TTLL5: variants seen among roughly 807,000 people sequenced by gnomAD.
TTLL5 encodes tubulin polyglutamylase TTLL5.
TTLL5 carries 132 observed loss-of-function variants against 168.4 expected under a neutral mutation model. That is an observed-to-expected ratio of 0.78 (90% CI 0.68 to 0.91). The LOEUF is 0.91. Ranked by LOEUF, TTLL5 falls within the 40% of genes least tolerant of loss-of-function variation. The pLI is 0.00. For synonymous variants in TTLL5, 546 were observed against 558.6 expected (o/e 0.98, Z 0.32); for missense variants, 1,545 against 1,581.5 (o/e 0.98, Z 0.39).
chr14:75,829,055 C>A lies in TTLL5; in HGVS notation c.3326+8894C>A, dbSNP rs148668428. ...ATTTACTAATGCAAGTACTATAAAG[C>A]AATATGTGCTTAATTATTGAATAGG... On this transcript the variant is annotated intron_variant, in intron 28 of 31. Transcript: ENST00000298832. Among the ~76,000 whole-genome samples, 1,311 of 152,252 alleles carry A rather than the reference C, an allele frequency of 8.6e-3. 26 individuals are homozygous for A. The highest frequency in any genetic ancestry group is 0.03 in the African/African-American group (1,257 of 41,548).
chr14:75,736,056 G>A (rs887052692), intron 15 of TTLL5, among the ~76,000 whole-genome samples: 17 of 151,914 alleles, frequency 1.1e-4, no homozygotes, highest in African/African-American at 4.1e-4. Context: ...TAAATCCATC[G>A]TCACCTTTAC....
At chr14:75,872,702 G>A (rs1389000008) in intron 29 of TTLL5, among the ~76,000 whole-genome samples, 1 of 152,006 alleles carries the variant, frequency 6.6e-6, no homozygotes, top group Non-Finnish European at 1.5e-5. Context: ...CTGAGATTGG[G>A]AGTTCGAGAC....
chr14:75,909,790 C>T (rs1428301702), intron 31 of TTLL5, among the ~76,000 whole-genome samples: 1 of 152,240 alleles, frequency 6.6e-6, no homozygotes, highest in Admixed American at 6.5e-5. Flanking sequence ...ATGTGTTTTG[C>T]TGGCATTGAC....
At chr14:75,713,064 G>C (rs117181578) in intron 9 of TTLL5, among the ~76,000 whole-genome samples, 1 of 152,110 alleles carries the variant, frequency 6.6e-6, no homozygotes, top group Non-Finnish European at 1.5e-5. Flanking sequence ...CCTAAATCTT[G>C]ATCTCATTAA....
At chr14:75,814,782 C>G (rs548065926) in intron 27 of TTLL5, 3 of 152,280 alleles carry the variant, frequency 2.0e-5, no homozygotes, top group Admixed American at 2.0e-4. Context: ...GATTGAGAGT[C>G]TAGAGCTGTG....
At chr14:75,950,081 G>C (rs966567303) in intron 31 of TTLL5, among the ~76,000 whole-genome samples, 1 of 152,148 alleles carries the variant, frequency 6.6e-6, no homozygotes, top group African/African-American at 2.4e-5. Context: ...ATGCTTAAGA[G>C]AATGTGATAT....
chr14:75,889,532 A>G (rs2032284360), intron 30 of TTLL5, among the ~76,000 whole-genome samples: 1 of 152,166 alleles, frequency 6.6e-6, no homozygotes. Flanking sequence ...AAAATGAGAT[A>G]TTAAATATAA....
intron 12 of TTLL5, among the ~76,000 whole-genome samples, chr14:75,721,867 T>C (rs577177657): frequency 2.6e-5 from 4 of 152,308 alleles, no homozygotes; most frequent in South Asian, 4.1e-4. Context: ...AAGGGAATTG[T>C]TGAGATTGAA....
rs373174658 is a variant in TTLL5, at chr14:75,782,457, A to G, written c.2516-30A>G. On this transcript the variant is annotated intron_variant, in intron 24 of 31. Transcript: ENST00000298832. ...CAGCGGACTTGCAATTGATTATAAG[A>G]GAGTCCAAGCTCATTATTTCTTATT... 2.3e-4 allele frequency: 366 copies of G among 1,563,226 alleles called. 2 individuals are homozygous for G. The highest frequency in any genetic ancestry group is 1.9e-3 in the East Asian group (86 of 44,570).
At chr14:75,767,836 T>C (rs1891056143) in intron 20 of TTLL5, among the ~76,000 whole-genome samples, 1 of 152,178 alleles carries the variant, frequency 6.6e-6, no homozygotes. Context: ...AAGGCCTTGA[T>C]CAGAGTAATG....
chr14:75,893,697 A>G (rs2140061206), intron 30 of TTLL5, among the ~76,000 whole-genome samples: 1 of 152,104 alleles, frequency 6.6e-6, no homozygotes, highest in Admixed American at 6.5e-5. Flanking sequence ...GCACGCCTGT[A>G]ATCCCAGCCA....
chr14:75,806,835 T>C (rs1893687627), intron 27 of TTLL5, among the ~76,000 whole-genome samples: 1 of 152,168 alleles, frequency 6.6e-6, no homozygotes, highest in African/African-American at 2.4e-5. Context: ...TTCACCAGTT[T>C]TTTCCCAGCC....
At chr14:75,771,975 A>T in intron 21 of TTLL5, 121 bp downstream of exon 21, 1 of 1,153,314 alleles carries the variant, frequency 8.7e-7, no homozygotes. Context: ...ATTATTATGT[A>T]AGAAGGTTTT....
intron 2 of TTLL5, among the ~76,000 whole-genome samples, chr14:75,667,912 C>T (rs1283160058): frequency 6.6e-6 from 1 of 151,918 alleles, no homozygotes; most frequent in Non-Finnish European, 1.5e-5. Context: ...AGGTGCGGGC[C>T]ACCACACCCA....
At chr14:75,756,756 C>T (rs1890286872) in intron 18 of TTLL5, among the ~76,000 whole-genome samples, 1 of 152,108 alleles carries the variant, frequency 6.6e-6, no homozygotes, top group African/African-American at 2.4e-5. Flanking sequence ...AATCCACCTA[C>T]CTCGACCTCC....
chr14:75,725,675 C>A (rs948330240), intron 12 of TTLL5, among the ~76,000 whole-genome samples: 3 of 152,122 alleles, frequency 2.0e-5, no homozygotes, highest in Admixed American at 2.0e-4. Flanking sequence ...TTGGCATGCC[C>A]CATATCCTGG....
intron 12 of TTLL5, among the ~76,000 whole-genome samples, chr14:75,726,246 C>T (rs117955192): frequency 0.013 from 1,928 of 152,212 alleles, 25 homozygotes; most frequent in Non-Finnish European, 0.019. Flanking sequence ...TTTCTTAATA[C>T]AGCTTTAATA....
chr14:75,761,505 G>A (rs1422341125), intron 18 of TTLL5, among the ~76,000 whole-genome samples: 1 of 152,216 alleles, frequency 6.6e-6, no homozygotes, highest in Non-Finnish European at 1.5e-5. Context: ...CTACTGCTCA[G>A]AAATAAAATG....
chr14:75,828,616 G>T (rs537902446), intron 28 of TTLL5, among the ~76,000 whole-genome samples: 1 of 152,206 alleles, frequency 6.6e-6, no homozygotes, highest in South Asian at 2.1e-4. Context: ...GCAGGGGTTG[G>T]CACCCCAACC....
Sources: gnomAD v4.1 joint callset for allele counts (sites outside exome capture counted in the v4.1 genomes callset) on GRCh38, gnomAD v4.1.1 for gene constraint, MANE v1.5 for transcripts, NCBI Gene and HGNC (gene_info 2026-07-23, HGNC 2026-07-21) for gene names.